The following GPR153 variants were observed in gnomAD, a reference collection of about 807,000 sequenced individuals.
GPR153 encodes the protein probable G protein-coupled receptor 153.
In GPR153, 27 loss-of-function variants were observed where a neutral mutation model predicts 34.1. That is an observed-to-expected ratio of 0.79 (90% CI 0.58 to 1.09). GPR153 has a LOEUF of 1.09. Ranked by LOEUF, GPR153 falls within the 50% of genes least tolerant of loss-of-function variation. GPR153 has a pLI of 0.00. For synonymous variants in GPR153, 408 were observed against 405.4 expected, an observed-to-expected ratio of 1.01 and a Z score of -0.08; for missense variants, 848 against 860.2, an observed-to-expected ratio of 0.99 and a Z score of 0.18.
Position 6,249,540 on chromosome 1 carries a change from C to A in GPR153, c.1628G>T (p.Ser543Ile). Reference protein sequence around the residue: ...DPGEAPTPPSSAQRSPGPRPS... With the variant: ...DPGEAPTPPSIAQRSPGPRPS... Reference sequence around the variant, plus strand: ...GCGTGGCCCTGGGCTCCGCTGGGCGCTGCTTGGGGGCGTCGGGGCCTCTCC... The same window carrying A: ...GCGTGGCCCTGGGCTCCGCTGGGCGATGCTTGGGGGCGTCGGGGCCTCTCC... The change falls in exon 6 of 6, where the codon AGC becomes ATC. Residue 543 changes from serine to isoleucine, a missense_variant. By Grantham distance (142) the Ser-to-Ile change is moderately radical. Transcript: ENST00000377893. This position sits in a 1 kb window ranked among gnomAD's most constrained non-coding sequence, Gnocchi z 4.3. 7.5e-6 allele frequency: 9 copies of A among 1,201,778 alleles called. No individual in the cohort carries two copies. The highest frequency in any genetic ancestry group is 9.3e-6 in the Non-Finnish European group (9 of 969,318). 74.4% of individuals were successfully genotyped at this position (1,201,778 alleles called of 1,614,324 possible).
chr1:6,258,093 G>T (rs1638601388), intron 1 of GPR153, among the ~76,000 whole-genome samples: 1 of 152,258 alleles, frequency 6.6e-6, no homozygotes, highest in Non-Finnish European at 1.5e-5. Context: ...AGGGAAGGCA[G>T]CGATGCCCCA....
intron 1 of GPR153, among the ~76,000 whole-genome samples, chr1:6,260,378 C>CA (rs1638645927): frequency 5.0e-5 from 2 of 40,068 alleles, no homozygotes; most frequent in African/African-American, 1.2e-4. Context: ...GGCTCCGATC[C>CA]CCCCCCCCCC....
intron 2 of GPR153, 77 bp downstream of exon 2, chr1:6,254,473 C>T (rs1188841044): frequency 7.7e-6 from 10 of 1,296,548 alleles, no homozygotes; most frequent in East Asian, 4.7e-5. Flanking sequence ...CTCCTGTGTG[C>T]GCATGGGCAC....
At position 6,254,031 on chromosome 1, in the gene GPR153, G is replaced by T; in HGVS notation, c.473C>A (p.Thr158Asn). 1.2e-6 allele frequency: 2 copies of T among 1,613,506 alleles called. No individual in the cohort carries two copies. Among genetic ancestry groups the T allele is most frequent in the Non-Finnish European group, 8.5e-7 (1 of 1,180,018 alleles). The change falls in exon 3 of 6, where the codon ACC (threonine) becomes AAC (asparagine). Residue 158 changes from threonine to asparagine, a missense_variant. Physicochemically the swap from Thr to Asn is moderately conservative, Grantham distance 65. Coordinates refer to ENST00000377893, the MANE Select transcript of GPR153 (RefSeq NM_207370.4). ...GWHDTSERFY[T>N]HGCRFIVAEI... ...AGCCACGATGAAGCGGCAGCCATGGGTGTAGAAGCGCTCGCTGGTGTCGTG... is the reference window on the plus strand; with the variant it reads ...AGCCACGATGAAGCGGCAGCCATGGTTGTAGAAGCGCTCGCTGGTGTCGTG...
At chr1:6,250,197 G>C (rs1185231776) in intron 5 of GPR153, 194 bp from the exon 6 acceptor site, 3 of 985,306 alleles carry the variant, frequency 3.0e-6, no homozygotes, top group Non-Finnish European at 3.6e-6. Context: ...GGGTCGGTTG[G>C]GGAGGGCGCT....
Position 6,249,637 on chromosome 1 carries a change from C to A in GPR153, c.1531G>T (p.Glu511Ter). 9.1e-7 allele frequency: 1 copy of A among 1,099,504 alleles called. No homozygotes were observed. Among genetic ancestry groups the A allele is most frequent in the Non-Finnish European group, 1.1e-6 (1 of 904,742 alleles). 68.1% of individuals were successfully genotyped at this position (1,099,504 alleles called of 1,614,324 possible). The part of the protein sequence containing the change: ...DAFALTAFEC[E>*]PQALRRPPGP... ...GGCGGGCGGCGCAGGGCCTGTGGCT[C>A]GCACTCGAAGGCGGTCAGGGCGAAG... is the stretch of plus-strand genomic sequence containing the variant. The change falls in exon 6 of 6, where the codon GAG becomes TAG. Residue 511 changes from glutamate to a stop codon, truncating the protein, a stop_gained. Transcript: ENST00000377893. LOFTEE classifies it low-confidence loss of function (END_TRUNC). The surrounding 1 kb of genome is among the most constrained non-coding windows in gnomAD (Gnocchi z 4.3).
rs757124621 is a variant in GPR153, at chr1:6,251,441, C to G, written c.876G>C (p.Leu292=). ...VLWCSVAQAL[L]LPVFLWACDR... ...CGCAGGCCCAGAGGAACACAGGCAG[C>G]AGCAGGGCCTGGGCCACGGAGCACC... The change falls in exon 4 of 6, where the codon CTG becomes CTC. Residue 292 remains leucine, a synonymous_variant. Coordinates refer to ENST00000377893, the MANE Select transcript of GPR153 (RefSeq NM_207370.4). This position sits in a 1 kb window ranked among gnomAD's most constrained non-coding sequence, Gnocchi z 4.9. 6.2e-7 allele frequency: 1 copy of G among 1,613,468 alleles called. No homozygotes were observed. The highest frequency in any genetic ancestry group is 1.1e-5 in the South Asian group (1 of 91,082).
Position 6,250,444 on chromosome 1 carries a change from A to C in GPR153, c.1160T>G (p.Leu387Arg). 3.1e-6 allele frequency: 5 copies of C among 1,595,854 alleles called. No homozygotes were observed. Among genetic ancestry groups the C allele is most frequent in the Non-Finnish European group, 4.3e-6 (5 of 1,171,590 alleles). Reference protein sequence around the residue: ...RPLQEDKMQYLQVPPTRRFSH... With the variant: ...RPLQEDKMQYRQVPPTRRFSH... ...CTCCCCCAGCCCTGCGCTCACCTGC[A>C]GGTATTGCATCTTGTCCTCCTGCAA... is the stretch of plus-strand genomic sequence containing the variant. Residue 387 changes from leucine to arginine, a missense_variant, in exon 5 of 6, where the codon CTG (leucine) becomes CGG (arginine). By Grantham distance (102) the Leu-to-Arg change is moderately radical. Coordinates refer to ENST00000377893, the MANE Select transcript of GPR153 (RefSeq NM_207370.4).
At chr1:6,252,924 C>G (rs1162273277) in intron 3 of GPR153, among the ~76,000 whole-genome samples, 2 of 152,156 alleles carry the variant, frequency 1.3e-5, no homozygotes, top group African/African-American at 2.4e-5. Context: ...CCTTCCCCAG[C>G]CGTTAGTATC....
chr1:6,249,395 G>T lies in GPR153; in HGVS notation c.1773C>A (p.Pro591=). ...GGSTSSFLSS[P]SESSGYATLH... The stretch of plus-strand genomic sequence containing the variant: ...GCGTGGCGTAGCCCGAGGACTCGGA[G>T]GGGGAACTCAGGAAGCTGCTGGTGC... The change falls in exon 6 of 6, where the codon CCC becomes CCA. Residue 591 remains proline (P), a synonymous_variant. Coordinates refer to ENST00000377893, the MANE Select transcript of GPR153 (RefSeq NM_207370.4). The surrounding 1 kb of genome is among the most constrained non-coding windows in gnomAD (Gnocchi z 4.3). 1 of 1,380,904 alleles carries T rather than the reference G, an allele frequency of 7.2e-7. No homozygotes were observed. Among genetic ancestry groups the T allele is most frequent in the Non-Finnish European group, 9.3e-7 (1 of 1,072,704 alleles). 85.5% of individuals were successfully genotyped at this position (1,380,904 alleles called of 1,614,324 possible).
chr1:6,260,104 C>T (rs1399878192), intron 1 of GPR153, among the ~76,000 whole-genome samples: 2 of 152,158 alleles, frequency 1.3e-5, no homozygotes, highest in African/African-American at 4.8e-5. Flanking sequence ...GGGGCCGGGG[C>T]GTGACGTCAC....
intron 5 of GPR153, chr1:6,250,224 C>G (rs1241010085): frequency 4.1e-6 from 4 of 985,224 alleles, no homozygotes; most frequent in Admixed American, 6.1e-5. Context: ...GGATACTGAG[C>G]CGGCAGGAGA....
intron 3 of GPR153, among the ~76,000 whole-genome samples, chr1:6,252,846 C>G (rs1435559504): frequency 6.6e-6 from 1 of 152,062 alleles, no homozygotes; most frequent in Non-Finnish European, 1.5e-5. Context: ...CCAAGAGGAC[C>G]CCAGGCAGCC....
intron 1 of GPR153, among the ~76,000 whole-genome samples, chr1:6,258,559 G>A (rs28479433): frequency 0.077 from 11,732 of 152,268 alleles, 1,300 homozygotes; most frequent in African/African-American, 0.25. Context: ...GGAGCACTGG[G>A]CCACCTCCAG....
chr1:6,254,186 A>C, intron 2 of GPR153, 39 bp from the exon 3 acceptor site: 1 of 1,567,300 alleles, frequency 6.4e-7, no homozygotes, highest in East Asian at 2.3e-5. Context: ...ATCTGGCGTC[A>C]CCCACAGGGC....
intron 5 of GPR153, 139 bp from the exon 6 acceptor site, chr1:6,250,142 G>A (rs1260908001): frequency 6.7e-6 from 9 of 1,346,480 alleles, no homozygotes; most frequent in Non-Finnish European, 8.6e-6. Flanking sequence ...GAGCTGTGAG[G>A]TTTGGTGCAG....
chr1:6,250,993 G>A (rs1165080611), intron 4 of GPR153, among the ~76,000 whole-genome samples: 3 of 152,142 alleles, frequency 2.0e-5, no homozygotes, highest in Non-Finnish European at 4.4e-5. Flanking sequence ...CAGGACCTCG[G>A]TCTGCAGGAG....
chr1:6,252,789 C>T (rs1638476741), intron 3 of GPR153, among the ~76,000 whole-genome samples: 1 of 152,192 alleles, frequency 6.6e-6, no homozygotes, highest in Admixed American at 6.5e-5. Flanking sequence ...CAGGGGTTGG[C>T]TACTGAGTCC....
chr1:6,251,280 C>T lies in GPR153; in HGVS notation c.979+58G>A. ...TGCCTGACAGCCGTTTTCCTGCCAA[C>T]CCCAATGACCTAACCTAGACGCCAC... On this transcript the variant is annotated intron_variant, in intron 4 of 5. Transcript: ENST00000377893. The surrounding 1 kb of genome is among the most constrained non-coding windows in gnomAD (Gnocchi z 4.9). 3 of 1,415,696 alleles carry T rather than the reference C, an allele frequency of 2.1e-6. No individual in the cohort carries two copies. The highest frequency in any genetic ancestry group is 2.9e-6 in the Non-Finnish European group (3 of 1,040,058). The allele number at this position is 1,415,696 out of a possible 1,614,324, so 87.7% of individuals were successfully genotyped here.
Sources: allele counts gnomAD v4.1 joint callset (sites outside exome capture counted in the v4.1 genomes callset), GRCh38; gene constraint gnomAD v4.1.1; non-coding constraint Gnocchi (gnomAD v3.1); transcripts MANE v1.5; gene names NCBI Gene and HGNC (gene_info 2026-07-23, HGNC 2026-07-21).